Variants in PCGF1 observed in about 807,000 individuals in gnomAD.
PCGF1 encodes the protein polycomb group ring finger 1.
In PCGF1, 10 loss-of-function variants were observed where a neutral mutation model predicts 38.8. The ratio of observed to expected loss-of-function variants is 0.26; its 90% CI spans 0.16 to 0.44. The LOEUF (loss-of-function observed/expected upper bound fraction) is 0.44, where lower values mean the gene tolerates loss of function less well. Among genes scored for constraint, PCGF1 ranks in the 20% least tolerant of loss-of-function variants. PCGF1 has a pLI of 1.00. For synonymous variants in PCGF1, 119 were observed against 121.3 expected, an observed-to-expected ratio of 0.98 and a Z score of 0.12; for missense variants, 230 against 331.5, an observed-to-expected ratio of 0.69 and a Z score of 2.38.
Position 74,506,225 on chromosome 2 carries a change from T to C in PCGF1, c.380A>G (p.Tyr127Cys), listed in dbSNP as rs773898893. 8.1e-6 allele frequency: 13 copies of C among 1,613,988 alleles called. No individual in the cohort carries two copies. Among genetic ancestry groups the C allele is most frequent in the South Asian group, 2.2e-5 (2 of 91,084 alleles). ...DSEEKRIREF[Y>C]QSRGLDRVTQ... The stretch of plus-strand genomic sequence containing the variant: ...GACCCGGTCCAAACCTCGGGACTGG[T>C]AGAATTCCCGAATCCGTTTCTCTTC... Residue 127 changes from tyrosine (Y) to cysteine (C), a missense_variant, in exon 4 of 9, where the codon TAC becomes TGC. Tyr to Cys is a radical substitution (Grantham distance 194, BLOSUM62 -2). Coordinates refer to ENST00000233630, the MANE Select transcript of PCGF1 (RefSeq NM_032673.3).
At chr2:74,507,467 C>T in intron 1 of PCGF1, 109 bp downstream of exon 1, 1 of 1,501,142 alleles carries the variant, frequency 6.7e-7, no homozygotes, top group Non-Finnish European at 8.9e-7. Context: ...ACTGGGCACT[C>T]TGTCTCTGCG....
chr2:74,505,762 T>C lies in PCGF1; in HGVS notation c.539A>G (p.Lys180Arg). Residue 180 changes from lysine to arginine, a missense_variant, in exon 6 of 9, where the codon AAA becomes AGA. Lys to Arg is a conservative substitution (Grantham distance 26). This residue lies in a region of PCGF1 where 144 missense variants were observed against 182.4 expected (regional missense o/e 0.79). Transcript: ENST00000233630. ...CTGCAGGACGCTTTTATTCTTGTCT[T>C]TGCCAGAACTGGGGGGAAATAGACA... is the stretch of plus-strand genomic sequence containing the variant. ...NLCLERLSSG[K>R]DKNKSVLQNK... 1 of 1,614,130 alleles carries C rather than the reference T, an allele frequency of 6.2e-7. No individual in the cohort carries two copies. The highest frequency in any genetic ancestry group is 8.5e-7 in the Non-Finnish European group (1 of 1,180,002).
chr2:74,506,569 CAAAAAAAGA>C, intron 3 of PCGF1, 154 bp downstream of exon 3: 1 of 812,044 alleles, frequency 1.2e-6, no homozygotes. Flanking sequence ...GACTCCGTCT[CAAAAAAAGA>C]AAAAAAAGAA....
In PCGF1 at chr2:74,507,565, C is replaced by A. The variant is rs1487855033; in HGVS notation, c.93+11G>T. 8.9e-6 allele frequency: 14 copies of A among 1,578,484 alleles called. No homozygotes were observed. Among genetic ancestry groups the A allele is most frequent in the Non-Finnish European group, 1.2e-5 (14 of 1,163,278 alleles). On this transcript the variant is annotated intron_variant, in intron 1 of 8. Coordinates refer to ENST00000233630, the MANE Select transcript of PCGF1 (RefSeq NM_032673.3). ...TGGCCGACCACAGCAGTAACCCTGCCGCCCTTGCACCTCGTTCCGTAGCGG... is the reference window on the plus strand; with the variant it reads ...TGGCCGACCACAGCAGTAACCCTGCAGCCCTTGCACCTCGTTCCGTAGCGG...
chr2:74,507,349 T>G (rs1245864081), intron 1 of PCGF1: 3 of 1,451,972 alleles, frequency 2.1e-6, no homozygotes, highest in East Asian at 2.5e-5. Context: ...TTCCCTCACG[T>G]GGACTCGCCT....
At chr2:74,507,218 G>C in intron 1 of PCGF1, 71 bp from the exon 2 acceptor site, 5 of 1,535,030 alleles carry the variant, frequency 3.3e-6, no homozygotes, top group Middle Eastern at 3.8e-4. Context: ...CACCTTGGGG[G>C]TCGCCTCCTT....
At chr2:74,505,860 C>T in intron 5 of PCGF1, 90 bp from the exon 6 acceptor site, 1 of 1,602,202 alleles carries the variant, frequency 6.2e-7, no homozygotes. Flanking sequence ...AGGGGATAGG[C>T]ACTCACTCAC....
intron 2 of PCGF1, 37 bp from the exon 3 acceptor site, chr2:74,506,921 G>C: frequency 6.2e-7 from 1 of 1,613,672 alleles, no homozygotes; most frequent in Admixed American, 1.7e-5. Context: ...AGGCCCTCTG[G>C]AAACTGGATT....
intron 8 of PCGF1, 71 bp from the exon 9 acceptor site, chr2:74,505,261 ACCCTTC>A (rs1674599201): frequency 6.4e-7 from 1 of 1,568,608 alleles, no homozygotes; most frequent in African/African-American, 1.4e-5. Context: ...CCCTCAGCCC[ACCCTTC>A]CCCTGAGGAC....
intron 8 of PCGF1, 44 bp from the exon 9 acceptor site, chr2:74,505,234 T>C: frequency 6.4e-7 from 1 of 1,567,318 alleles, no homozygotes; most frequent in Non-Finnish European, 8.7e-7. Context: ...GGAATGTTCT[T>C]ATATTATTCA....
Position 74,506,751 on chromosome 2 carries a change from C to A in PCGF1, c.333G>T (p.Leu111=). The A allele has an allele frequency of 6.2e-7, 1 of 1,613,968 alleles. No homozygotes were observed. The highest frequency in any genetic ancestry group is 8.5e-7 in the Non-Finnish European group (1 of 1,179,968). ...DRVMQDIVYK[L]VPGLQDSEEK... Reference sequence around the variant, plus strand: ...ACTCACTGTCTTGCAAGCCAGGCACCAGCTTATACACGATGTCCTGCATGA... The same window carrying A: ...ACTCACTGTCTTGCAAGCCAGGCACAAGCTTATACACGATGTCCTGCATGA... The change falls in exon 3 of 9, where the codon CTG becomes CTT. Residue 111 remains leucine (L), a synonymous_variant. Coordinates refer to ENST00000233630, the MANE Select transcript of PCGF1 (RefSeq NM_032673.3).
At chr2:74,507,221 G>C in intron 1 of PCGF1, 74 bp from the exon 2 acceptor site, 1 of 1,529,390 alleles carries the variant, frequency 6.5e-7, no homozygotes. Flanking sequence ...CTTGGGGGTC[G>C]CCTCCTTCAT....
At chr2:74,506,357 C>T (rs1674634641) in intron 3 of PCGF1, 105 bp from the exon 4 acceptor site, 1 of 1,069,734 alleles carries the variant, frequency 9.3e-7, no homozygotes, top group South Asian at 1.3e-5. Context: ...GTGGGCAGAT[C>T]ATGAAGTCAG....
chr2:74,506,920 G>C (rs541880972), intron 2 of PCGF1, 36 bp from the exon 3 acceptor site: 2 of 1,613,670 alleles, frequency 1.2e-6, no homozygotes, highest in Admixed American at 3.3e-5. Context: ...CAGGCCCTCT[G>C]GAAACTGGAT....
At chr2:74,506,992 T>C (rs1674650980) in intron 2 of PCGF1, 50 bp downstream of exon 2, 3 of 1,604,528 alleles carry the variant, frequency 1.9e-6, no homozygotes, top group African/African-American at 1.3e-5. Context: ...GGCAGTCAGC[T>C]TGGTGAAGAC....
intron 1 of PCGF1, 30 bp from the exon 2 acceptor site, chr2:74,507,177 C>T (rs1402271454): frequency 1.2e-6 from 2 of 1,604,192 alleles, no homozygotes. Flanking sequence ...CACCAATCAT[C>T]CACCCTCAAA....
chr2:74,507,199 G>A (rs1445994139), intron 1 of PCGF1, 52 bp from the exon 2 acceptor site: 2 of 1,576,434 alleles, frequency 1.3e-6, no homozygotes, highest in East Asian at 2.3e-5. Context: ...CCCAACCCGT[G>A]CGCCTTCCCA....
chr2:74,506,896 G>C lies in PCGF1; in HGVS notation c.200-12C>G. 1.2e-6 allele frequency: 2 copies of C among 1,614,158 alleles called. No homozygotes were observed. Among genetic ancestry groups the C allele is most frequent in the Admixed American group, 3.3e-5 (2 of 60,034 alleles). On this transcript the variant is annotated splice_polypyrimidine_tract_variant and intron_variant, in intron 2 of 8. Transcript: ENST00000233630. ...ACAACTCTTGCAGACTGCAGGAAAA[G>C]AAAAGCAGATTCTCAGGCCCTCTGG...
chr2:74,507,506 C>A (rs557525086), intron 1 of PCGF1, 70 bp downstream of exon 1: 3 of 1,535,256 alleles, frequency 2.0e-6, no homozygotes, highest in African/African-American at 2.7e-5. Flanking sequence ...GGCCAGCCAC[C>A]GCCCGTCCTT....
Sources: allele counts gnomAD v4.1 joint callset, GRCh38; gene constraint gnomAD v4.1.1; regional missense constraint gnomAD v4.1.1; transcripts MANE v1.5; gene names NCBI Gene and HGNC (gene_info 2026-07-23, HGNC 2026-07-21).